GPHN: variants seen among roughly 807,000 people sequenced by gnomAD.
GPHN encodes gephyrin.
GPHN carries 17 observed loss-of-function variants against 95.5 expected under a neutral mutation model. The ratio of observed to expected loss-of-function variants is 0.18; its 90% CI spans 0.12 to 0.27. The LOEUF (loss-of-function observed/expected upper bound fraction) is 0.27. GPHN is among the 10% of genes least tolerant of loss of function. The pLI, the probability that GPHN is intolerant of heterozygous loss-of-function variation, is 1.00. For missense variants in GPHN, 660 were observed against 978.1 expected (o/e 0.67, Z 4.34); for synonymous variants, 320 against 322.5 (o/e 0.99, Z 0.08).
At chr14:66,861,397 C>A (rs1435026877) in intron 4 of GPHN, among the ~76,000 whole-genome samples, 1 of 151,948 alleles carries the variant, frequency 6.6e-6, no homozygotes, top group East Asian at 1.9e-4. Flanking sequence ...ACAATAATAA[C>A]TGGAGACTTC....
rs553273197 is a variant in GPHN at position 67,074,285 on chromosome 14, T to C, written c.1145-14698T>C. Among the ~76,000 whole-genome samples the C allele has an allele frequency of 3.3e-5, 5 of 152,270 alleles. 1 individual carries two copies. The highest frequency in any genetic ancestry group is 1.2e-4 in the African/African-American group (5 of 41,542). On this transcript the variant is annotated intron_variant, in intron 11 of 22. Transcript: ENST00000478722. Reference sequence around the variant, plus strand: ...AACAGCATGTGTTCCTTTATGTCTCTGTGTCACATTATGGTAATTCTCACA... The same window carrying C: ...AACAGCATGTGTTCCTTTATGTCTCCGTGTCACATTATGGTAATTCTCACA...
At chr14:66,682,991 A>G (rs1362021253) in intron 2 of GPHN, among the ~76,000 whole-genome samples, 6 of 151,718 alleles carry the variant, frequency 4.0e-5, no homozygotes, top group East Asian at 3.9e-4. Context: ...ACTAAATTCT[A>G]TATTTAATTT....
At chr14:67,172,737 T>C (rs2082671558) in intron 21 of GPHN, among the ~76,000 whole-genome samples, 1 of 152,132 alleles carries the variant, frequency 6.6e-6, no homozygotes, top group South Asian at 2.1e-4. Flanking sequence ...AGTGCAGTCA[T>C]TGCTATGCTA....
At chr14:67,419,127 C>A in the GPHN span, among the ~76,000 whole-genome samples, 2 of 152,190 alleles carry the variant, frequency 1.3e-5, no homozygotes, top group Non-Finnish European at 2.9e-5. Context: ...ATAAGAGCCC[C>A]TTCCCTCGCC....
chr14:67,642,147 C>T, the GPHN span: 83 of 1,600,414 alleles, frequency 5.2e-5, no homozygotes, highest in Admixed American at 1.4e-3. Flanking sequence ...TTGGAGATAG[C>T]ACAGAAAATT....
chr14:66,968,252 A>G (rs901309839), intron 9 of GPHN, among the ~76,000 whole-genome samples: 2 of 152,042 alleles, frequency 1.3e-5, no homozygotes, highest in African/African-American at 4.8e-5. Flanking sequence ...ATACCAAGGA[A>G]TAAAAGAGAA....
the GPHN span, among the ~76,000 whole-genome samples, chr14:67,478,903 T>C: frequency 6.6e-6 from 1 of 152,128 alleles, no homozygotes; most frequent in Non-Finnish European, 1.5e-5. Context: ...TTTAAGATAG[T>C]GGTAAGAGAA....
intron 4 of GPHN, among the ~76,000 whole-genome samples, chr14:66,852,566 C>G (rs2153516494): frequency 6.6e-6 from 1 of 152,294 alleles, no homozygotes; most frequent in South Asian, 2.1e-4. Flanking sequence ...ATTGCTCTCT[C>G]TTTTTATTTT....
At chr14:67,517,630 G>C in the GPHN span, among the ~76,000 whole-genome samples, 1 of 152,164 alleles carries the variant, frequency 6.6e-6, no homozygotes, top group Non-Finnish European at 1.5e-5. Flanking sequence ...ACTTTCTCCA[G>C]CTCTCCAGTG....
intron 17 of GPHN, among the ~76,000 whole-genome samples, chr14:67,136,982 G>T (rs559857736): frequency 1.3e-5 from 2 of 152,126 alleles, no homozygotes; most frequent in East Asian, 3.9e-4. Context: ...GGCCAACATG[G>T]CAAAACTCTA....
chr14:67,682,556 C>G, the GPHN span, among the ~76,000 whole-genome samples: 1 of 152,142 alleles, frequency 6.6e-6, no homozygotes, highest in African/African-American at 2.4e-5. Flanking sequence ...CAAGATATTC[C>G]TTCATACTCA....
At chr14:67,561,937 T>A in the GPHN span, 1 of 1,604,030 alleles carries the variant, frequency 6.2e-7, no homozygotes. Context: ...TAAATCTTCA[T>A]TTTTCTTTTT....
intron 3 of GPHN, among the ~76,000 whole-genome samples, chr14:66,794,100 A>G (rs2060072697): frequency 6.6e-6 from 1 of 152,130 alleles, no homozygotes; most frequent in South Asian, 2.1e-4. Flanking sequence ...AAAAATATAT[A>G]TTATGCTGAT....
intron 1 of GPHN, among the ~76,000 whole-genome samples, chr14:66,629,156 A>T (rs866375318): frequency 3.3e-4 from 36 of 110,760 alleles, no homozygotes; most frequent in Admixed American, 7.9e-4. Flanking sequence ...TACATATATA[A>T]ATATGTATAT....
At chr14:66,715,733 T>C (rs1203170541) in intron 2 of GPHN, among the ~76,000 whole-genome samples, 1 of 152,208 alleles carries the variant, frequency 6.6e-6, no homozygotes, top group Non-Finnish European at 1.5e-5. Context: ...ATTATATTTT[T>C]GACCCAGTGA....
chr14:67,375,126 A>G, the GPHN span, among the ~76,000 whole-genome samples: 15 of 152,204 alleles, frequency 9.9e-5, no homozygotes, highest in Non-Finnish European at 1.9e-4. Context: ...CTTGTCATCC[A>G]CAGTAAGCAG....
intron 11 of GPHN, among the ~76,000 whole-genome samples, chr14:67,067,110 G>A (rs1240441540): frequency 6.6e-6 from 1 of 152,290 alleles, no homozygotes; most frequent in East Asian, 1.9e-4. Flanking sequence ...TACAGATGGG[G>A]TTTTGGTGTG....
In GPHN at chr14:66,833,371, T is replaced by G. The variant is rs150037349; in HGVS notation, c.294+8805T>G. Among the ~76,000 whole-genome samples the G allele has an allele frequency of 8.3e-4, 127 of 152,260 alleles. 1 individual carries two copies. Among genetic ancestry groups the G allele is most frequent in the Admixed American group, 7.1e-3 (109 of 15,290 alleles). On this transcript the variant is annotated intron_variant, in intron 4 of 22. Coordinates refer to ENST00000478722, the MANE Select transcript of GPHN (RefSeq NM_020806.5). ...AGCATGAGGGTAACTGCCCCATGATTAAATTATTAGTACCTCCCACCAAGT... is the reference window on the plus strand; with the variant it reads ...AGCATGAGGGTAACTGCCCCATGATGAAATTATTAGTACCTCCCACCAAGT...
At chr14:67,266,911 A>G in the GPHN span, among the ~76,000 whole-genome samples, 1 of 151,930 alleles carries the variant, frequency 6.6e-6, no homozygotes, top group Non-Finnish European at 1.5e-5. Context: ...GGAGTTCGAC[A>G]CCAGCCTGGG....
Sources: gnomAD v4.1 joint callset for allele counts (sites outside exome capture counted in the v4.1 genomes callset) on GRCh38, gnomAD v4.1.1 for gene constraint, MANE v1.5 for transcripts, NCBI Gene and HGNC (gene_info 2026-07-23, HGNC 2026-07-21) for gene names.